PUM1: variants seen among roughly 807,000 people sequenced by gnomAD.
PUM1 encodes pumilio homolog 1.
In PUM1, 13 loss-of-function variants were observed where a neutral mutation model predicts 131.8. That is an observed-to-expected ratio of 0.10 (90% CI 0.06 to 0.16). PUM1 has a LOEUF of 0.16. Ranked by LOEUF, PUM1 falls within the 10% of genes least tolerant of loss-of-function variation. PUM1 has a pLI of 1.00. For synonymous variants in PUM1, 509 were observed against 556.5 expected (o/e 0.91, Z 1.20); for missense variants, 961 against 1,512.4 (o/e 0.64, Z 6.05).
At chr1:30,968,050 A>G (rs573654482) in intron 11 of PUM1, 10 of 436,382 alleles carry the variant, frequency 2.3e-5, no homozygotes, top group Admixed American at 1.4e-4. Context: ...CTTGTAAACT[A>G]GCTTGGCCAC....
At chr1:30,947,638 G>A (rs1639735924) in intron 17 of PUM1, among the ~76,000 whole-genome samples, 1 of 152,160 alleles carries the variant, frequency 6.6e-6, no homozygotes, top group African/African-American at 2.4e-5. Context: ...TTTCCCTGCT[G>A]TCTCCAATCT....
intron 7 of PUM1, among the ~76,000 whole-genome samples, chr1:30,985,032 A>G (rs1012595004): frequency 1.3e-5 from 2 of 152,200 alleles, no homozygotes; most frequent in Non-Finnish European, 2.9e-5. Context: ...CTCTGGAGCC[A>G]GACAGCCTTG....
At chr1:31,047,714 G>C (rs908593943) in intron 2 of PUM1, among the ~76,000 whole-genome samples, 5 of 152,218 alleles carry the variant, frequency 3.3e-5, no homozygotes, top group African/African-American at 1.2e-4. Context: ...AGGTGGAGGT[G>C]GGTGGATCAC....
intron 11 of PUM1, chr1:30,968,084 C>G: frequency 1.7e-6 from 1 of 576,740 alleles, no homozygotes; most frequent in Non-Finnish European, 3.3e-6. Context: ...GATTCTGAAA[C>G]AGAAAACAGA....
At chr1:30,980,250 AGACAGTAG>A in intron 8 of PUM1, 87 bp from the exon 9 acceptor site, 1 of 1,021,762 alleles carries the variant, frequency 9.8e-7, no homozygotes, top group Non-Finnish European at 1.5e-6. Context: ...TATTCACTCC[AGACAGTAG>A]ATAAGGAAAA....
intron 7 of PUM1, among the ~76,000 whole-genome samples, chr1:30,988,545 G>A (rs554448360): frequency 6.6e-5 from 10 of 152,300 alleles, no homozygotes; most frequent in Admixed American, 2.0e-4. Flanking sequence ...CACCTTTGTT[G>A]CTTATTTCAG....
chr1:31,027,573 G>A (rs1304735785), intron 3 of PUM1, among the ~76,000 whole-genome samples: 1 of 152,104 alleles, frequency 6.6e-6, no homozygotes, highest in Admixed American at 6.5e-5. Flanking sequence ...GAGGAAAACA[G>A]ACCAAAAATG....
intron 2 of PUM1, among the ~76,000 whole-genome samples, chr1:31,038,978 ATATATATTT>A (rs1330065726): frequency 2.0e-4 from 6 of 30,034 alleles, no homozygotes; most frequent in African/African-American, 1.7e-3. Flanking sequence ...ATATATATAT[ATATATATTT>A]TTTTTTTTTT....
At chr1:31,055,294 G>A in intron 2 of PUM1, 1 of 455,196 alleles carries the variant, frequency 2.2e-6, no homozygotes, top group South Asian at 1.6e-5. Flanking sequence ...TGACTGAGCT[G>A]TAAGACCCAC....
intron 9 of PUM1, among the ~76,000 whole-genome samples, chr1:30,975,153 C>T (rs528378415): frequency 2.6e-5 from 4 of 152,106 alleles, no homozygotes; most frequent in East Asian, 3.9e-4. Context: ...GGAGGGTTTG[C>T]GTGCTTAAAG....
At chr1:30,973,664 C>T (rs1313393947) in intron 10 of PUM1, among the ~76,000 whole-genome samples, 3 of 151,952 alleles carry the variant, frequency 2.0e-5, no homozygotes, top group Admixed American at 6.6e-5. Context: ...ACAATAATGA[C>T]AATTTTGTAA....
intron 1 of PUM1, among the ~76,000 whole-genome samples, chr1:31,059,861 T>C (rs1395647562): frequency 1.3e-5 from 2 of 151,962 alleles, no homozygotes; most frequent in Non-Finnish European, 2.9e-5. Context: ...TTTTTTTTTT[T>C]TGAGACAAGA....
At chr1:31,040,993 A>T (rs754022613) in intron 2 of PUM1, among the ~76,000 whole-genome samples, 1 of 152,212 alleles carries the variant, frequency 6.6e-6, no homozygotes, top group Non-Finnish European at 1.5e-5. Context: ...AAAGCCAGTG[A>T]GAAGACTACT....
chr1:31,057,163 G>A (rs999049423), intron 2 of PUM1, among the ~76,000 whole-genome samples: 25 of 152,118 alleles, frequency 1.6e-4, no homozygotes, highest in African/African-American at 5.6e-4. Flanking sequence ...CAGCACTCTG[G>A]GAGTCCAAGG....
chr1:30,974,175 C>G (rs1641045083), intron 10 of PUM1, among the ~76,000 whole-genome samples: 1 of 152,062 alleles, frequency 6.6e-6, no homozygotes, highest in Admixed American at 6.5e-5. Flanking sequence ...AGTTTACCGT[C>G]CTTTCTCAAC....
chr1:30,979,467 T>A (rs568077835), intron 9 of PUM1, among the ~76,000 whole-genome samples: 1 of 152,252 alleles, frequency 6.6e-6, no homozygotes, highest in African/African-American at 2.4e-5. Flanking sequence ...ACCCACAGAA[T>A]TATCTGGAAG....
intron 3 of PUM1, among the ~76,000 whole-genome samples, chr1:31,015,813 A>G (rs1294165291): frequency 6.6e-6 from 1 of 151,474 alleles, no homozygotes; most frequent in East Asian, 1.9e-4. Context: ...AGCTGGGATT[A>G]CAGGCATGCG....
chr1:31,058,779 T>A lies in PUM1; in HGVS notation c.363+425A>T, dbSNP rs887400389. Among the ~76,000 whole-genome samples, 37 of 151,914 alleles carry A rather than the reference T, an allele frequency of 2.4e-4. 1 individual carries two copies. Among genetic ancestry groups the A allele is most frequent in the African/African-American group, 8.2e-4 (34 of 41,344 alleles). On this transcript the variant is annotated intron_variant, in intron 2 of 21. Transcript: ENST00000426105. Reference sequence around the variant, plus strand: ...TGAGGTCAGGAGTTCGAGGCCAGCCTGGACAACATGGTGAAACCCTGTTTC... The same window carrying A: ...TGAGGTCAGGAGTTCGAGGCCAGCCAGGACAACATGGTGAAACCCTGTTTC...
At chr1:30,983,871 G>A (rs1017940348) in intron 7 of PUM1, among the ~76,000 whole-genome samples, 21 of 151,552 alleles carry the variant, frequency 1.4e-4, no homozygotes, top group Admixed American at 6.6e-5. Context: ...CCAAAGGACT[G>A]GAATTACAGG....
Sources: allele counts gnomAD v4.1 joint callset (sites outside exome capture counted in the v4.1 genomes callset), GRCh38; gene constraint gnomAD v4.1.1; transcripts MANE v1.5; gene names NCBI Gene and HGNC (gene_info 2026-07-23, HGNC 2026-07-21).